CAPN8: variants seen among roughly 807,000 people sequenced by gnomAD.
CAPN8 encodes the protein calpain-8.
In CAPN8, 87 loss-of-function variants were observed where a neutral mutation model predicts 80.9. That is an observed-to-expected ratio of 1.07 (90% confidence interval 0.90 to 1.28). CAPN8 has a LOEUF of 1.28. Among genes scored for constraint, CAPN8 ranks in the 50% most tolerant of loss-of-function variants. The pLI is 0.00. For missense variants in CAPN8, 757 were observed against 702.0 expected, an observed-to-expected ratio of 1.08 and a Z score of -0.89; for synonymous variants, 299 against 273.8, an observed-to-expected ratio of 1.09 and a Z score of -0.91.
intron 4 of CAPN8, among the ~76,000 whole-genome samples, chr1:223,627,676 A>C (rs1297592928): frequency 6.6e-6 from 1 of 152,118 alleles, no homozygotes; most frequent in Non-Finnish European, 1.5e-5. Flanking sequence ...CATTTGTTTT[A>C]TTATTCTTCA....
rs139606138 is a variant in CAPN8 at position 223,660,598 on chromosome 1, G to A, written c.237+4812C>T. ...CAATTGCTTATGAATAGGCAGAAAC[G>A]CCCAGCAGGGGCAGGATGTCAAATG... On this transcript the variant is annotated intron_variant, in intron 1 of 20. Coordinates refer to ENST00000366872, the MANE Select transcript of CAPN8 (RefSeq NM_001143962.2). 2.6e-3 allele frequency among the ~76,000 whole-genome samples: 403 copies of A among 152,356 alleles called. 2 individuals carry two copies. Among genetic ancestry groups the A allele is most frequent in the African/African-American group, 9.0e-3 (376 of 41,582 alleles).
intron 2 of CAPN8, among the ~76,000 whole-genome samples, chr1:223,639,460 G>A (rs1657990303): frequency 6.6e-6 from 1 of 152,206 alleles, no homozygotes; most frequent in Non-Finnish European, 1.5e-5. Flanking sequence ...GGCTGGGGAA[G>A]CTACACCACT....
intron 2 of CAPN8, among the ~76,000 whole-genome samples, chr1:223,645,055 G>A (rs1374275155): frequency 6.6e-6 from 1 of 152,186 alleles, no homozygotes; most frequent in Non-Finnish European, 1.5e-5. Flanking sequence ...CCCAAAAGCA[G>A]GGAAGCCAAC....
At chr1:223,641,131 A>G (rs1018658276) in intron 2 of CAPN8, among the ~76,000 whole-genome samples, 3 of 152,164 alleles carry the variant, frequency 2.0e-5, no homozygotes, top group African/African-American at 4.8e-5. Context: ...GAAAGTTTTC[A>G]TGATTCTTCC....
chr1:223,548,803 G>T (rs1232418392), intron 16 of CAPN8, among the ~76,000 whole-genome samples: 1 of 152,200 alleles, frequency 6.6e-6, no homozygotes, highest in Non-Finnish European at 1.5e-5. Flanking sequence ...GGTTAAACTA[G>T]ATCAGGGAGA....
intron 2 of CAPN8, among the ~76,000 whole-genome samples, chr1:223,643,490 A>G (rs1658100556): frequency 6.6e-6 from 1 of 152,250 alleles, no homozygotes; most frequent in Non-Finnish European, 1.5e-5. Flanking sequence ...TTGTGAGCAG[A>G]AAACGAGATA....
At chr1:223,620,047 T>C in intron 8 of CAPN8, 145 bp downstream of exon 8, 5 of 720,794 alleles carry the variant, frequency 6.9e-6, no homozygotes, top group Non-Finnish European at 9.5e-6. Context: ...GGTGGAATTA[T>C]ACCAGGACAA....
chr1:223,626,685 C>T (rs1657589114), intron 5 of CAPN8, among the ~76,000 whole-genome samples: 1 of 152,160 alleles, frequency 6.6e-6, no homozygotes, highest in Non-Finnish European at 1.5e-5. Flanking sequence ...AATGGGGGGC[C>T]TAGGATCCAG....
chr1:223,627,299 A>G, intron 4 of CAPN8, 142 bp from the exon 5 acceptor site: 1 of 899,030 alleles, frequency 1.1e-6, no homozygotes, highest in Non-Finnish European at 1.7e-6. Flanking sequence ...TGGGCCAGGA[A>G]GGTGCTTAGG....
chr1:223,645,245 C>G (rs913178514), intron 2 of CAPN8, among the ~76,000 whole-genome samples: 1 of 152,186 alleles, frequency 6.6e-6, no homozygotes, highest in Non-Finnish European at 1.5e-5. Flanking sequence ...TATTCCTCAG[C>G]CTGCTTTTAT....
In CAPN8 at chr1:223,549,148, A is replaced by T. The variant is rs151304851; in HGVS notation, c.1764+170T>A. Among the ~76,000 whole-genome samples the T allele has an allele frequency of 8.9e-4, 136 of 152,168 alleles. 1 individual carries two copies. Among genetic ancestry groups the T allele is most frequent in the African/African-American group, 3.1e-3 (129 of 41,514 alleles). ...CTTTCTGAGACACATCCATGATATG[A>T]TACATTTTCCTTTGAGGCTTCAAGT... On this transcript the variant is annotated intron_variant, in intron 16 of 20. Transcript: ENST00000366872.
intron 4 of CAPN8, 69 bp downstream of exon 4, chr1:223,627,940 G>A (rs1657641988): frequency 9.0e-6 from 13 of 1,449,660 alleles, no homozygotes; most frequent in South Asian, 2.9e-5. Context: ...GGAGGCAGAC[G>A]TGGGAGGGAC....
chr1:223,665,634 C>T lies in CAPN8; in HGVS notation c.13G>A (p.Ala5Thr), dbSNP rs1185223754. The T allele has an allele frequency of 3.2e-6, 5 of 1,551,356 alleles. No individual in the cohort carries two copies. Among genetic ancestry groups the T allele is most frequent in the East Asian group, 2.4e-5 (1 of 40,914 alleles). MAAQAAGVSRQRAAT... is the reference protein window; with the variant it reads MAAQTAGVSRQRAAT... ...GCCCGCTGCCTAGATACACCAGCTG[C>T]CTGGGCTGCCATGGCCGTGGGCTCT... Residue 5 changes from alanine to threonine, a missense_variant, in exon 1 of 21, where the codon GCA (alanine) becomes ACA (threonine). By Grantham distance (58) the Ala-to-Thr change is moderately conservative. Coordinates refer to ENST00000366872, the MANE Select transcript of CAPN8 (RefSeq NM_001143962.2).
At chr1:223,613,580 C>T (rs756866543) in intron 10 of CAPN8, among the ~76,000 whole-genome samples, 2 of 152,248 alleles carry the variant, frequency 1.3e-5, no homozygotes, top group African/African-American at 2.4e-5. Flanking sequence ...GCCTTAGCCA[C>T]TGCCCATGGG....
chr1:223,542,218 C>A (rs1656486076), intron 20 of CAPN8, among the ~76,000 whole-genome samples: 1 of 151,000 alleles, frequency 6.6e-6, no homozygotes, highest in Admixed American at 6.6e-5. Context: ...CCTATAGATT[C>A]CTATATATGT....
At chr1:223,642,695 C>T in intron 2 of CAPN8, 1 of 419,364 alleles carries the variant, frequency 2.4e-6, no homozygotes, top group Non-Finnish European at 4.7e-6. Context: ...TCTAAGTTTT[C>T]AGTGGAGAGG....
intron 1 of CAPN8, among the ~76,000 whole-genome samples, chr1:223,664,409 A>T (rs920303652): frequency 2.6e-5 from 4 of 152,248 alleles, no homozygotes; most frequent in African/African-American, 9.6e-5. Flanking sequence ...TGCAGTAATA[A>T]CAACTACGTA....
Position 223,545,233 on chromosome 1 carries a change from G to C in CAPN8, c.1831C>G (p.Leu611Val). The C allele has an allele frequency of 2.6e-6, 4 of 1,551,704 alleles. No homozygotes were observed. The highest frequency in any genetic ancestry group is 3.5e-6 in the Non-Finnish European group (4 of 1,146,980). The change falls in exon 17 of 21, where the codon CTG becomes GTG. Residue 611 changes from leucine (L) to valine (V), a missense_variant and splice_region_variant. Physicochemically the swap from Leu to Val is conservative, Grantham distance 32 (BLOSUM62 1). Coordinates refer to ENST00000366872, the MANE Select transcript of CAPN8 (RefSeq NM_001143962.2). ...KTLWLKIQKY[L>V]EIYWETDYNH... is the part of the protein sequence containing the mutation. The stretch of plus-strand genomic sequence containing the variant: ...GCCCAGAAGGAAAAGAGAGTTACCA[G>C]ATACTTCTGAATCTTCAGCCAGAGC...
intron 18 of CAPN8, 156 bp from the exon 19 acceptor site, chr1:223,544,339 G>A (rs1339495019): frequency 1.6e-6 from 1 of 607,546 alleles, no homozygotes; most frequent in African/African-American, 1.8e-5. Context: ...GATCCCAGAA[G>A]GTGTCCTGCC....
Sources: allele counts gnomAD v4.1 joint callset (sites outside exome capture counted in the v4.1 genomes callset), GRCh38; gene constraint gnomAD v4.1.1; transcripts MANE v1.5; gene names NCBI Gene and HGNC (gene_info 2026-07-23, HGNC 2026-07-21).